Variants in JAKMIP2 observed in about 807,000 individuals in gnomAD.
JAKMIP2 encodes janus kinase and microtubule interacting protein 2.
JAKMIP2 carries 25 observed loss-of-function variants against 115.0 expected under a neutral mutation model. The ratio of observed to expected loss-of-function variants is 0.22; its 90% CI spans 0.16 to 0.30. JAKMIP2 has a LOEUF of 0.30. Among genes scored for constraint, JAKMIP2 ranks in the 10% least tolerant of loss-of-function variants. JAKMIP2 has a pLI of 1.00. For missense variants in JAKMIP2, 642 were observed against 957.6 expected, an observed-to-expected ratio of 0.67 and a Z score of 4.35; for synonymous variants, 334 against 343.6, an observed-to-expected ratio of 0.97 and a Z score of 0.31.
intron 7 of JAKMIP2, among the ~76,000 whole-genome samples, chr5:147,643,092 G>A (rs919241578): frequency 6.6e-6 from 1 of 151,976 alleles, no homozygotes; most frequent in Non-Finnish European, 1.5e-5. Flanking sequence ...CCTTGCGATC[G>A]TGTGTGCCAA....
intron 3 of JAKMIP2, among the ~76,000 whole-genome samples, chr5:147,654,319 A>G (rs575802173): frequency 6.6e-6 from 1 of 151,982 alleles, no homozygotes; most frequent in African/African-American, 2.4e-5. Context: ...GGACATTTTC[A>G]TGATGATGAT....
chr5:147,601,862 A>AC, intron 20 of JAKMIP2, 51 bp from the exon 21 acceptor site: 1 of 826,572 alleles, frequency 1.2e-6, no homozygotes. Context: ...CTGTAGTGCC[A>AC]TTCAGGTAGT....
At chr5:147,721,760 A>C (rs1005687470) in intron 1 of JAKMIP2, among the ~76,000 whole-genome samples, 1 of 151,990 alleles carries the variant, frequency 6.6e-6, no homozygotes, top group Admixed American at 6.6e-5. Flanking sequence ...GGCACTCCCT[A>C]GTGAGATGAA....
intron 12 of JAKMIP2, among the ~76,000 whole-genome samples, chr5:147,634,871 T>C (rs1408739622): frequency 1.3e-5 from 2 of 152,244 alleles, no homozygotes; most frequent in Non-Finnish European, 2.9e-5. Flanking sequence ...GTGGTTAATT[T>C]TTATTACTTG....
chr5:147,634,620 A>G (rs1377455414), intron 12 of JAKMIP2, among the ~76,000 whole-genome samples: 2 of 152,218 alleles, frequency 1.3e-5, no homozygotes, highest in African/African-American at 2.4e-5. Flanking sequence ...AATTCATTCA[A>G]TGCCAACAAA....
At chr5:147,710,203 A>C (rs770064241) in intron 1 of JAKMIP2, among the ~76,000 whole-genome samples, 6 of 152,162 alleles carry the variant, frequency 3.9e-5, no homozygotes, top group African/African-American at 7.2e-5. Flanking sequence ...TCATCCTTAC[A>C]ATTACAGGGT....
intron 21 of JAKMIP2, chr5:147,595,502 T>G (rs1237526736): frequency 4.4e-6 from 2 of 455,766 alleles, no homozygotes; most frequent in South Asian, 3.1e-5. Flanking sequence ...ACACCAAACC[T>G]GCTGGTGCCT....
At chr5:147,732,424 G>A (rs541899037) in intron 1 of JAKMIP2, among the ~76,000 whole-genome samples, 8 of 152,296 alleles carry the variant, frequency 5.3e-5, no homozygotes, top group African/African-American at 1.9e-4. Context: ...CCATGCGTTT[G>A]TGGAGCTGCC....
At chr5:147,775,794 T>C (rs745523510) in intron 1 of JAKMIP2, among the ~76,000 whole-genome samples, 34 of 152,202 alleles carry the variant, frequency 2.2e-4, no homozygotes, top group Non-Finnish European at 3.5e-4. Flanking sequence ...TTTCATTCAT[T>C]CAGCCACTCA....
intron 1 of JAKMIP2, among the ~76,000 whole-genome samples, chr5:147,744,008 TTCCTTC>T (rs1754255014): frequency 1.4e-5 from 1 of 69,764 alleles, no homozygotes; most frequent in African/African-American, 7.0e-5. Flanking sequence ...CTTTCCTTCC[TTCCTTC>T]CTTCCTTCCT....
In JAKMIP2 at chr5:147,661,465, A is replaced by T. The variant is rs1489036338; in HGVS notation, c.130-20T>A. The T allele has an allele frequency of 6.3e-7, 1 of 1,597,820 alleles. No homozygotes were observed. The highest frequency in any genetic ancestry group is 8.5e-7 in the Non-Finnish European group (1 of 1,172,520). On this transcript the variant is annotated intron_variant, in intron 2 of 21. Transcript: ENST00000616793. ...TGATACCTAAAAACAGAGAGGCGAA[A>T]TGATGAAGAGAAATGAGCCTCAAAG...
chr5:147,636,461 G>A (rs995707485), intron 11 of JAKMIP2, 177 bp from the exon 12 acceptor site: 24 of 601,792 alleles, frequency 4.0e-5, no homozygotes, highest in South Asian at 6.2e-5. Context: ...CAAAGTTGCC[G>A]GGAAAATTTA....
At chr5:147,718,813 T>G (rs1279762302) in intron 1 of JAKMIP2, among the ~76,000 whole-genome samples, 10 of 152,080 alleles carry the variant, frequency 6.6e-5, no homozygotes, top group East Asian at 5.8e-4. Context: ...TGGATTCATT[T>G]ATTTTTTGAA....
chr5:147,724,179 T>C (rs763062068), intron 1 of JAKMIP2, among the ~76,000 whole-genome samples: 1 of 152,188 alleles, frequency 6.6e-6, no homozygotes, highest in Non-Finnish European at 1.5e-5. Context: ...TTAGGTCCTG[T>C]GGATACAAGG....
At chr5:147,702,712 A>AG (rs1409655339) in intron 1 of JAKMIP2, among the ~76,000 whole-genome samples, 1 of 151,734 alleles carries the variant, frequency 6.6e-6, no homozygotes, top group Non-Finnish European at 1.5e-5. Context: ...AGAAAAAAAA[A>AG]GAGCAGAAGC....
intron 15 of JAKMIP2, 62 bp from the exon 16 acceptor site, chr5:147,628,878 A>C: frequency 8.4e-7 from 1 of 1,184,144 alleles, no homozygotes; most frequent in South Asian, 1.3e-5. Context: ...CAAAGAAAAT[A>C]CTGTCTGACT....
At chr5:147,602,248 C>T (rs1194903594) in intron 20 of JAKMIP2, among the ~76,000 whole-genome samples, 1 of 152,138 alleles carries the variant, frequency 6.6e-6, no homozygotes, top group Non-Finnish European at 1.5e-5. Flanking sequence ...CTTAATCATG[C>T]AGTACTATCT....
chr5:147,764,889 GGAAAGAAA>G lies in JAKMIP2; in HGVS notation c.-149+17559_-149+17566del, dbSNP rs758768756. ...GACAGAGTGAGACTCTGTCTAAAAG[GGAAAGAAA>G]GAAAGAAAGAAAGAAAGAAAGAAAG... On this transcript the variant is annotated intron_variant, in intron 1 of 21. Transcript: ENST00000616793. 3.0e-3 allele frequency among the ~76,000 whole-genome samples: 180 copies of G among 60,514 alleles called. 1 individual carries two copies. The highest frequency in any genetic ancestry group is 7.7e-3 in the African/African-American group (78 of 10,072). 39.7% of individuals were successfully genotyped at this position (60,514 alleles called of 152,430 possible). A position where few individuals can be genotyped will look rare whatever the true frequency, so the allele number is the denominator to read the frequency against.
intron 21 of JAKMIP2, among the ~76,000 whole-genome samples, chr5:147,592,470 C>T (rs1420142071): frequency 6.6e-6 from 1 of 152,200 alleles, no homozygotes; most frequent in African/African-American, 2.4e-5. Flanking sequence ...AGCCCTGTTC[C>T]TCTGTAAGTC....
Sources: allele counts gnomAD v4.1 joint callset (sites outside exome capture counted in the v4.1 genomes callset), GRCh38; gene constraint gnomAD v4.1.1; transcripts MANE v1.5; gene names NCBI Gene and HGNC (gene_info 2026-07-23, HGNC 2026-07-21).